The following CA12 variants were observed in gnomAD, a reference collection of about 807,000 sequenced individuals.
CA12 encodes the protein carbonic anhydrase 12.
A neutral mutation model predicts 46.8 loss-of-function variants in CA12; 36 were observed. The observed-to-expected ratio is 0.77, with a 90% CI of 0.59 to 1.02. The LOEUF (loss-of-function observed/expected upper bound fraction) is 1.02, where lower values mean the gene tolerates loss of function less well. Ranked by LOEUF, CA12 falls within the 50% of genes least tolerant of loss-of-function variation. CA12 has a pLI of 0.00. For synonymous variants in CA12, 202 were observed against 187.0 expected (o/e 1.08, Z -0.65); for missense variants, 436 against 451.4 (o/e 0.97, Z 0.31).
In CA12 at chr15:63,325,379, T is replaced by G. The variant is rs2038852594; in HGVS notation, c.*906A>C. The G allele has an allele frequency of 6.6e-6, 1 of 152,246 alleles. No homozygotes were observed. Among genetic ancestry groups the G allele is most frequent in the Non-Finnish European group, 1.5e-5 (1 of 68,050 alleles). 9.4% of individuals were successfully genotyped at this position (152,246 alleles called of 1,614,324 possible). A position where few individuals can be genotyped will look rare whatever the true frequency, so the allele number is the denominator to read the frequency against. The stretch of plus-strand genomic sequence containing the variant: ...TCCAGGACACAGCAACAACACATTT[T>G]CAAGGAACAGCCTCATTATTTGTAA... On this transcript the variant is annotated 3_prime_UTR_variant, in exon 11 of 11. Transcript: ENST00000178638. This position sits in a 1 kb window ranked among gnomAD's most constrained non-coding sequence, Gnocchi z 4.9.
At position 63,330,152 on chromosome 15, in the gene CA12, G is replaced by A. The variant is rs936948926; in HGVS notation, c.875-2022C>T. On this transcript the variant is annotated intron_variant, in intron 8 of 10. Transcript: ENST00000178638. This position sits in a 1 kb window ranked among gnomAD's most constrained non-coding sequence, Gnocchi z 4.0. ...CAGACTCCCTGCCCCAGGCCTCTTC[G>A]TGTAACCTGAACACAAGGACCAGCC... Among the ~76,000 whole-genome samples, 1 of 152,210 alleles carries A rather than the reference G, an allele frequency of 6.6e-6. No individual in the cohort carries two copies. The highest frequency in any genetic ancestry group is 1.5e-5 in the Non-Finnish European group (1 of 68,042).
intron 1 of CA12, among the ~76,000 whole-genome samples, chr15:63,376,383 G>C (rs568805909): frequency 6.6e-6 from 1 of 152,276 alleles, no homozygotes; most frequent in African/African-American, 2.4e-5. Flanking sequence ...AGACAAGGAG[G>C]TTAGCTGATG....
In CA12 at chr15:63,329,932, G is replaced by A. The variant is rs1296842592; in HGVS notation, c.875-1802C>T. On this transcript the variant is annotated intron_variant, in intron 8 of 10. Coordinates refer to ENST00000178638, the MANE Select transcript of CA12 (RefSeq NM_001218.5). This position sits in a 1 kb window ranked among gnomAD's most constrained non-coding sequence, Gnocchi z 4.8. Reference sequence around the variant, plus strand: ...TCTGCAATCTCACATTGAACCTGCAGAGCCTCCCTGGTCCAAGGCTGGGCC... The same window carrying A: ...TCTGCAATCTCACATTGAACCTGCAAAGCCTCCCTGGTCCAAGGCTGGGCC... Among the ~76,000 whole-genome samples the A allele has an allele frequency of 2.0e-5, 3 of 152,204 alleles. No homozygotes were observed. The highest frequency in any genetic ancestry group is 2.1e-4 in the South Asian group (1 of 4,832).
chr15:63,356,712 G>A (rs1164512292), intron 2 of CA12, among the ~76,000 whole-genome samples: 1 of 151,978 alleles, frequency 6.6e-6, no homozygotes, highest in African/African-American at 2.4e-5. Flanking sequence ...TAATAGAAAT[G>A]GGGTTTCACC....
chr15:63,363,229 C>A (rs139549876), intron 2 of CA12, among the ~76,000 whole-genome samples: 1 of 152,328 alleles, frequency 6.6e-6, no homozygotes, highest in East Asian at 1.9e-4. Flanking sequence ...TCCTACATGT[C>A]TCCTTTTACT....
intron 2 of CA12, among the ~76,000 whole-genome samples, chr15:63,357,789 A>G (rs1311135378): frequency 6.6e-6 from 1 of 152,184 alleles, no homozygotes; most frequent in African/African-American, 2.4e-5. Context: ...TCAATATTCC[A>G]AAGGAAACCT....
intron 8 of CA12, among the ~76,000 whole-genome samples, chr15:63,337,649 G>T (rs534886468): frequency 6.6e-6 from 1 of 152,134 alleles, no homozygotes; most frequent in East Asian, 1.9e-4. Context: ...TAGAGACGTG[G>T]TTTCACCATG....
rs187186044 is a variant in CA12, at chr15:63,357,781, A to G, written c.107-11072T>C. On this transcript the variant is annotated intron_variant, in intron 2 of 10. Transcript: ENST00000178638. The stretch of plus-strand genomic sequence containing the variant: ...CCCCTACTTAGATCCAGAACATTTC[A>G]ATATTCCAAAGGAAACCTCATACCT... 9.1e-4 allele frequency among the ~76,000 whole-genome samples: 139 copies of G among 152,222 alleles called. 1 individual carries two copies. The highest frequency in any genetic ancestry group is 1.6e-3 in the Non-Finnish European group (107 of 68,016).
At chr15:63,369,432 T>C (rs796543462) in intron 2 of CA12, among the ~76,000 whole-genome samples, 20 of 152,340 alleles carry the variant, frequency 1.3e-4, no homozygotes, top group African/African-American at 4.8e-4. Context: ...CCTCTCTCCA[T>C]GTGTTATCTT....
chr15:63,345,641 C>T lies in CA12; in HGVS notation c.287-22G>A, dbSNP rs745374523. 2.5e-6 allele frequency: 4 copies of T among 1,607,144 alleles called. No individual in the cohort carries two copies. In the South Asian group the frequency reaches 3.3e-5, roughly 13 times the overall value. On this transcript the variant is annotated intron_variant, in intron 3 of 10. Coordinates refer to ENST00000178638, the MANE Select transcript of CA12 (RefSeq NM_001218.5). The surrounding 1 kb of genome is among the most constrained non-coding windows in gnomAD (Gnocchi z 4.3). ...TTCACTGCGGGGAGTGGAGGAGCAG[C>T]CTTCAGAGCCCCGGCCAGCTGTGCA...
In CA12 at chr15:63,324,720, GCT is replaced by G. The variant is rs1567038560; in HGVS notation, c.*1563_*1564del. On this transcript the variant is annotated 3_prime_UTR_variant, in exon 11 of 11. Transcript: ENST00000178638. ...TTTTTTTTTTTTGAGATGGAGTCTC[GCT>G]CTGTCACCCAGGCTAGAGTGCAGTG... is the stretch of plus-strand genomic sequence containing the variant. 1 of 137,150 alleles carries G rather than the reference GCT, an allele frequency of 7.3e-6. No individual in the cohort carries two copies. The highest frequency in any genetic ancestry group is 2.1e-4 in the East Asian group (1 of 4,736). 8.5% of individuals were successfully genotyped at this position (137,150 alleles called of 1,614,324 possible).
chr15:63,365,125 G>A (rs1026292173), intron 2 of CA12, among the ~76,000 whole-genome samples: 1 of 152,192 alleles, frequency 6.6e-6, no homozygotes, highest in Non-Finnish European at 1.5e-5. Context: ...ACTGGTCTTT[G>A]ATCCACATTT....
chr15:63,350,916 T>C (rs2039220623), intron 2 of CA12, among the ~76,000 whole-genome samples: 2 of 152,348 alleles, frequency 1.3e-5, no homozygotes, highest in South Asian at 4.1e-4. Context: ...ATATTTCATC[T>C]GTATATATTT....
intron 2 of CA12, among the ~76,000 whole-genome samples, chr15:63,364,187 GT>G (rs2039404382): frequency 6.6e-6 from 1 of 151,190 alleles, no homozygotes; most frequent in South Asian, 2.1e-4. Context: ...CAAAAAAAAA[GT>G]GGGGGGGCGG....
At chr15:63,357,902 T>C (rs1363527736) in intron 2 of CA12, among the ~76,000 whole-genome samples, 1 of 152,212 alleles carries the variant, frequency 6.6e-6, no homozygotes, top group Non-Finnish European at 1.5e-5. Flanking sequence ...GGATAGTTCA[T>C]ATAAACAGAA....
rs758718987 is a variant in CA12, at chr15:63,346,723, T to G, written c.107-14A>C. 1 of 1,613,946 alleles carries G rather than the reference T, an allele frequency of 6.2e-7. No homozygotes were observed. Among genetic ancestry groups the G allele is most frequent in the Admixed American group, 1.7e-5 (1 of 60,024 alleles). ...CCCCATCAGGACCTGGACACAGAGA[T>G]CCATGCTCAAGATTTAGAGTTTCTC... On this transcript the variant is annotated splice_polypyrimidine_tract_variant and intron_variant, in intron 2 of 10. Transcript: ENST00000178638.
At chr15:63,380,322 G>A (rs2039629363) in intron 1 of CA12, among the ~76,000 whole-genome samples, 1 of 152,036 alleles carries the variant, frequency 6.6e-6, no homozygotes, top group Non-Finnish European at 1.5e-5. Context: ...GGGAGGGAGG[G>A]AAGAGAACAG....
At chr15:63,326,713 G>A (rs1442061925) in intron 10 of CA12, among the ~76,000 whole-genome samples, 1 of 152,076 alleles carries the variant, frequency 6.6e-6, no homozygotes, top group Non-Finnish European at 1.5e-5. Context: ...AAAGCCAAAT[G>A]TCACAATAAA....
At chr15:63,361,997 G>C (rs1237422612) in intron 2 of CA12, among the ~76,000 whole-genome samples, 1 of 152,136 alleles carries the variant, frequency 6.6e-6, no homozygotes, top group African/African-American at 2.4e-5. Flanking sequence ...TATGTGCCAG[G>C]CATCATTCTA....
Sources: gnomAD v4.1 joint callset for allele counts (sites outside exome capture counted in the v4.1 genomes callset) on GRCh38, gnomAD v4.1.1 for gene constraint, Gnocchi (gnomAD v3.1) non-coding constraint, MANE v1.5 for transcripts, NCBI Gene and HGNC (gene_info 2026-07-23, HGNC 2026-07-21) for gene names.